Variants in ERBIN observed in about 807,000 individuals in gnomAD.
The protein encoded by ERBIN is erbb2 interacting protein, also known as densin-180-like protein.
Under a neutral mutation model 158.4 loss-of-function variants are expected in ERBIN, and 60 were observed. The observed-to-expected ratio is 0.38, with a 90% CI of 0.31 to 0.47. ERBIN has a LOEUF of 0.47. ERBIN is among the 20% of genes least tolerant of loss of function. The pLI, the probability that ERBIN is intolerant of heterozygous loss-of-function variation, is 0.99. For missense variants in ERBIN, 1,610 were observed against 1,648.0 expected (o/e 0.98, Z 0.40); for synonymous variants, 594 against 557.2 (o/e 1.07, Z -0.93).
chr5:65,949,116 A>AG (rs1746181704), intron 1 of ERBIN, among the ~76,000 whole-genome samples: 1 of 152,102 alleles, frequency 6.6e-6, no homozygotes, highest in Non-Finnish European at 1.5e-5. Flanking sequence ...GTTTAGTATC[A>AG]TATTAAGAAA....
intron 1 of ERBIN, among the ~76,000 whole-genome samples, chr5:65,932,174 A>G (rs1449405768): frequency 6.6e-6 from 1 of 151,940 alleles, no homozygotes; most frequent in Non-Finnish European, 1.5e-5. Context: ...CCCTGTCTCT[A>G]CTAAAATACA....
intron 1 of ERBIN, among the ~76,000 whole-genome samples, chr5:65,934,294 A>G (rs937588997): frequency 1.3e-5 from 2 of 152,242 alleles, no homozygotes; most frequent in African/African-American, 4.8e-5. Flanking sequence ...GTAAACATGA[A>G]TATATTACTA....
intron 4 of ERBIN, among the ~76,000 whole-genome samples, chr5:66,004,441 C>G (rs1414364908): frequency 6.6e-6 from 1 of 152,192 alleles, no homozygotes; most frequent in African/African-American, 2.4e-5. Flanking sequence ...CTCCGTCACC[C>G]AGGCTGCAGT....
intron 1 of ERBIN, among the ~76,000 whole-genome samples, chr5:65,969,495 G>A (rs1678278202): frequency 1.3e-5 from 2 of 152,166 alleles, no homozygotes; most frequent in African/African-American, 4.8e-5. Flanking sequence ...GATTGAAGAG[G>A]TAGTGTGTTC....
At chr5:65,995,818 G>A (rs1752374115) in intron 4 of ERBIN, among the ~76,000 whole-genome samples, 1 of 152,068 alleles carries the variant, frequency 6.6e-6, no homozygotes, top group South Asian at 2.1e-4. Context: ...CAGGTGTGAG[G>A]TTGTATCTCA....
At chr5:66,071,916 G>A (rs1761568152) in intron 21 of ERBIN, among the ~76,000 whole-genome samples, 1 of 152,020 alleles carries the variant, frequency 6.6e-6, no homozygotes, top group African/African-American at 2.4e-5. Flanking sequence ...TTCTACATGT[G>A]TGTATTGTAC....
intron 1 of ERBIN, among the ~76,000 whole-genome samples, chr5:65,928,181 G>T (rs1255315808): frequency 1.3e-5 from 2 of 151,630 alleles, no homozygotes; most frequent in Non-Finnish European, 2.9e-5. Flanking sequence ...TCCAAAGGCA[G>T]TCCTTTATTT....
At position 66,018,518 on chromosome 5, in the gene ERBIN, T is replaced by G. The variant is rs1231717745; in HGVS notation, c.534-2804T>G. On this transcript the variant is annotated intron_variant, in intron 7 of 25. Transcript: ENST00000284037. ...TATATAATATATATTATATATTATATAATATATATTATATTATATAATATA... is the reference window on the plus strand; with the variant it reads ...TATATAATATATATTATATATTATAGAATATATATTATATTATATAATATA... Among the ~76,000 whole-genome samples the G allele has an allele frequency of 1.9e-4, 2 of 10,568 alleles. 1 individual carries two copies. The highest frequency in any genetic ancestry group is 3.6e-4 in the Non-Finnish European group (2 of 5,550). The allele number at this position is 10,568 out of a possible 152,430, so 6.9% of individuals were successfully genotyped here. A position where few individuals can be genotyped will look rare whatever the true frequency, so the allele number is the denominator to read the frequency against.
Position 65,958,625 on chromosome 5 carries a change from CCGTGGGGAGAG to C in ERBIN, c.-57-30009_-57-29999del, listed in dbSNP as rs1747554402. Reference sequence around the variant, plus strand: ...GGGAGACCGTGGAAGGAGAGGGAGACCGTGGGGAGAGGGGGAGAGAGAGGGAGACCGTGAGG... The same window carrying C: ...GGGAGACCGTGGAAGGAGAGGGAGACGGGGAGAGAGAGGGAGACCGTGAGG... On this transcript the variant is annotated intron_variant, in intron 1 of 25. Coordinates refer to ENST00000284037, the MANE Select transcript of ERBIN (RefSeq NM_001253697.2). Among the ~76,000 whole-genome samples, 3 of 131,142 alleles carry C rather than the reference CCGTGGGGAGAG, an allele frequency of 2.3e-5. No individual in the cohort carries two copies. The Admixed American group carries it at 2.4e-4, about 10-fold the overall frequency. 86.0% of individuals were successfully genotyped at this position (131,142 alleles called of 152,430 possible).
In ERBIN at chr5:65,958,282, A is replaced by C. The variant is rs531592185; in HGVS notation, c.-57-30353A>C. ...GCCAAGGCAGGCGGCTGGGAGGTGGAGGTTGTCGCAAGCCGAGATCACGCC... is the reference window on the plus strand; with the variant it reads ...GCCAAGGCAGGCGGCTGGGAGGTGGCGGTTGTCGCAAGCCGAGATCACGCC... On this transcript the variant is annotated intron_variant, in intron 1 of 25. Transcript: ENST00000284037. 1.9e-4 allele frequency among the ~76,000 whole-genome samples: 29 copies of C among 152,078 alleles called. No individual in the cohort carries two copies. In the East Asian group the frequency reaches 5.2e-3, roughly 27 times the overall value.
intron 4 of ERBIN, among the ~76,000 whole-genome samples, chr5:65,995,553 A>G (rs1752342011): frequency 6.6e-6 from 1 of 152,066 alleles, no homozygotes; most frequent in African/African-American, 2.4e-5. Flanking sequence ...TTGGTTCCTT[A>G]TCTTGGCTAT....
chr5:66,000,073 T>G (rs894436001), intron 4 of ERBIN, among the ~76,000 whole-genome samples: 1 of 152,212 alleles, frequency 6.6e-6, no homozygotes, highest in Admixed American at 6.5e-5. Flanking sequence ...CTTTTCATCC[T>G]AAAGGAGTAT....
chr5:65,994,854 C>A lies in ERBIN; in HGVS notation c.297C>A (p.Val99=), dbSNP rs1318765595. The A allele has an allele frequency of 6.3e-7, 1 of 1,595,650 alleles. No homozygotes were observed. The highest frequency in any genetic ancestry group is 8.5e-7 in the Non-Finnish European group (1 of 1,171,960). ...TTATTAATCTCAGGGAACTGGATGT[C>A]AGCAAGAATGGTAAGGCTTTTTTTG... The part of the protein sequence containing the change: ...ANLINLRELD[V]SKNGIQEFPE... Residue 99 remains valine (V), a synonymous_variant, in exon 4 of 26, where the codon GTC becomes GTA. Transcript: ENST00000284037.
chr5:66,025,657 C>A, intron 11 of ERBIN, 105 bp downstream of exon 11: 1 of 986,538 alleles, frequency 1.0e-6, no homozygotes, highest in Non-Finnish European at 1.6e-6. Context: ...ATTTTGTAAA[C>A]ATTTAAGTAA....
intron 1 of ERBIN, among the ~76,000 whole-genome samples, chr5:65,935,158 A>G (rs1743926415): frequency 6.6e-6 from 1 of 152,176 alleles, no homozygotes; most frequent in Non-Finnish European, 1.5e-5. Flanking sequence ...CTATAAATAT[A>G]TACAATGGTC....
At chr5:66,003,098 C>T (rs1753176048) in intron 4 of ERBIN, among the ~76,000 whole-genome samples, 1 of 152,188 alleles carries the variant, frequency 6.6e-6, no homozygotes, top group African/African-American at 2.4e-5. Flanking sequence ...AAGCTATCAT[C>T]ATTTGAGTTT....
In ERBIN at chr5:66,076,888, C is replaced by T; in HGVS notation, c.4070C>T (p.Thr1357Ile). The change falls in exon 25 of 26, where the codon ACA (threonine) becomes ATA (isoleucine). Residue 1357 changes from threonine (T) to isoleucine (I), a missense_variant. Physicochemically the swap from Thr to Ile is moderately conservative, Grantham distance 89. This residue lies in a region of ERBIN where 1,014 missense variants were observed against 936.1 expected (regional missense o/e 1.08). Transcript: ENST00000284037. ...TTGTTGTTAAAGGGTATATTTGTAA[C>T]AAGGGTACAACCTGAAGGACCAGCA... Reference protein sequence around the residue: ...FRPDDDGIFVTRVQPEGPASK... With the variant: ...FRPDDDGIFVIRVQPEGPASK... The T allele has an allele frequency of 6.2e-7, 1 of 1,606,558 alleles. No homozygotes were observed.
Position 66,076,285 on chromosome 5 carries a change from G to A in ERBIN, c.3964-31G>A, listed in dbSNP as rs775967433. On this transcript the variant is annotated intron_variant, in intron 23 of 25. Coordinates refer to ENST00000284037, the MANE Select transcript of ERBIN (RefSeq NM_001253697.2). ...TTGCATTATAACTTTTTCTGAAATA[G>A]TAAGTTTCCTTTATTTTCATATTAA... The A allele has an allele frequency of 2.6e-5, 41 of 1,564,156 alleles. No individual in the cohort carries two copies. In the African/African-American group the frequency reaches 5.3e-4, roughly 20 times the overall value.
intron 1 of ERBIN, among the ~76,000 whole-genome samples, chr5:65,927,697 A>T (rs1265791066): frequency 2.0e-5 from 3 of 152,214 alleles, no homozygotes; most frequent in Non-Finnish European, 4.4e-5. Context: ...TATGGTCTTT[A>T]CATTTTTGTG....
Sources: gnomAD v4.1 joint callset for allele counts (sites outside exome capture counted in the v4.1 genomes callset) on GRCh38, gnomAD v4.1.1 for gene constraint, gnomAD v4.1.1 regional missense constraint, MANE v1.5 for transcripts, NCBI Gene and HGNC (gene_info 2026-07-23, HGNC 2026-07-21) for gene names.